KDM2A: variants seen among roughly 807,000 people sequenced by gnomAD.
KDM2A encodes lysine demethylase 2A.
Under a neutral mutation model 137.3 loss-of-function variants are expected in KDM2A, and 3 were observed. The observed-to-expected ratio is 0.02, with a 90% CI of 0.01 to 0.06. The LOEUF is 0.06. KDM2A is among the 10% of genes least tolerant of loss of function. KDM2A has a pLI of 1.00. For missense variants in KDM2A, 738 were observed against 1,510.6 expected, an observed-to-expected ratio of 0.49 and a Z score of 8.48; for synonymous variants, 512 against 541.5, an observed-to-expected ratio of 0.95 and a Z score of 0.76.
chr11:67,158,721 T>G (rs1347274282), intron 2 of KDM2A, among the ~76,000 whole-genome samples: 1 of 152,184 alleles, frequency 6.6e-6, no homozygotes, highest in Non-Finnish European at 1.5e-5. Flanking sequence ...GGTCTTGAAC[T>G]CAAGTGATCC....
intron 5 of KDM2A, among the ~76,000 whole-genome samples, chr11:67,200,334 G>C (rs936340440): frequency 3.9e-5 from 6 of 151,978 alleles, no homozygotes; most frequent in African/African-American, 1.4e-4. Context: ...TCCTGTCTCA[G>C]CCTCCCGAGT....
chr11:67,210,747 G>A (rs1405525332), intron 6 of KDM2A, among the ~76,000 whole-genome samples: 1 of 152,010 alleles, frequency 6.6e-6, no homozygotes, highest in Non-Finnish European at 1.5e-5. Context: ...AAGTAATAAC[G>A]TTTATTTTGT....
At position 67,256,362 on chromosome 11, in the gene KDM2A, AGAAAG is replaced by A. The variant is rs1747101286; in HGVS notation, c.*1308_*1312del. ...AGCTTTTTGCACTTTAAAAAAAAAA[AGAAAG>A]AAAGAAAGGTCGGAATTTCTTTTGG... On this transcript the variant is annotated 3_prime_UTR_variant, in exon 21 of 21. Transcript: ENST00000529006. 1 of 151,980 alleles carries A rather than the reference AGAAAG, an allele frequency of 6.6e-6. No homozygotes were observed. The highest frequency in any genetic ancestry group is 1.9e-4 in the East Asian group (1 of 5,190). 9.4% of individuals were successfully genotyped at this position (151,980 alleles called of 1,614,324 possible).
intron 6 of KDM2A, among the ~76,000 whole-genome samples, chr11:67,211,647 A>G (rs71490510): frequency 2.1e-5 from 3 of 145,992 alleles, no homozygotes; most frequent in Non-Finnish European, 3.0e-5. Context: ...AAAAGAATAT[A>G]TATATAATAG....
chr11:67,235,864 T>C (rs367894222), intron 12 of KDM2A, among the ~76,000 whole-genome samples: 1 of 150,272 alleles, frequency 6.7e-6, no homozygotes, highest in African/African-American at 2.4e-5. Context: ...GCGATCCACC[T>C]GCCTTGGCCT....
Position 67,248,377 on chromosome 11 carries a change from G to A in KDM2A, c.2055+7G>A. 6.3e-7 allele frequency: 1 copy of A among 1,588,106 alleles called. No homozygotes were observed. ...CAGCTCGGAGAAAGCCCAGGTAAAG[G>A]AACCTTATCAGATTTGCACTGTGAC... On this transcript the variant is annotated splice_region_variant and intron_variant, in intron 16 of 20. Coordinates refer to ENST00000529006, the MANE Select transcript of KDM2A (RefSeq NM_012308.3).
intron 1 of KDM2A, among the ~76,000 whole-genome samples, chr11:67,120,397 CG>C (rs1855572627): frequency 6.6e-6 from 1 of 152,186 alleles, no homozygotes; most frequent in African/African-American, 2.4e-5. Context: ...GTGACAAAAA[CG>C]GGGGGAACCT....
At chr11:67,129,374 A>C (rs571287363) in intron 2 of KDM2A, among the ~76,000 whole-genome samples, 1 of 152,296 alleles carries the variant, frequency 6.6e-6, no homozygotes, top group South Asian at 2.1e-4. Context: ...GGAATGCTTG[A>C]CGTCAGGAGT....
At chr11:67,166,259 A>C (rs559244107) in intron 2 of KDM2A, among the ~76,000 whole-genome samples, 12 of 140,504 alleles carry the variant, frequency 8.5e-5, no homozygotes, top group African/African-American at 3.2e-4. Flanking sequence ...ATCTCGGCTC[A>C]CTGTAATCTC....
chr11:67,182,885 T>C (rs1857121986), intron 5 of KDM2A, among the ~76,000 whole-genome samples: 1 of 152,248 alleles, frequency 6.6e-6, no homozygotes, highest in African/African-American at 2.4e-5. Flanking sequence ...AAAGGGACTT[T>C]TTAAATTTTC....
At chr11:67,145,072 A>T (rs903981717) in intron 2 of KDM2A, among the ~76,000 whole-genome samples, 4 of 149,506 alleles carry the variant, frequency 2.7e-5, no homozygotes, top group Non-Finnish European at 4.5e-5. Context: ...GGGTTTCACC[A>T]TGTTGGCCAG....
At chr11:67,129,083 T>TA (rs987035103) in intron 2 of KDM2A, among the ~76,000 whole-genome samples, 9 of 152,104 alleles carry the variant, frequency 5.9e-5, no homozygotes, top group African/African-American at 1.9e-4. Flanking sequence ...ACCCTGTCTC[T>TA]AAAAAAATGA....
At chr11:67,215,633 C>T in intron 7 of KDM2A, 187 bp downstream of exon 7, 1 of 605,750 alleles carries the variant, frequency 1.7e-6, no homozygotes, top group South Asian at 2.1e-5. Flanking sequence ...CACAACCACA[C>T]AGTTAAAGGA....
At chr11:67,146,122 G>T (rs1353128740) in intron 2 of KDM2A, among the ~76,000 whole-genome samples, 1 of 151,018 alleles carries the variant, frequency 6.6e-6, no homozygotes, top group Admixed American at 6.6e-5. Flanking sequence ...CTCCTGAGTA[G>T]CTGGGATTTC....
chr11:67,224,185 A>G (rs1348358276), intron 10 of KDM2A, among the ~76,000 whole-genome samples: 1 of 152,182 alleles, frequency 6.6e-6, no homozygotes, highest in African/African-American at 2.4e-5. Flanking sequence ...ACTACCCGAT[A>G]TAGAGTTTGT....
At chr11:67,122,799 C>T (rs540137521) in intron 2 of KDM2A, among the ~76,000 whole-genome samples, 5 of 151,816 alleles carry the variant, frequency 3.3e-5, no homozygotes, top group African/African-American at 1.2e-4. Flanking sequence ...CCTCAGCCTC[C>T]CGAGTAGCTG....
chr11:67,206,740 AAAAT>A lies in KDM2A; in HGVS notation c.308-762_308-759del, dbSNP rs1486749661. ...CGACAGAGCGAGACTCCGTCTCTAA[AAAAT>A]AAATAAACAAACTTAGGTCTCTTTG... On this transcript the variant is annotated intron_variant, in intron 5 of 20. Coordinates refer to ENST00000529006, the MANE Select transcript of KDM2A (RefSeq NM_012308.3). Among the ~76,000 whole-genome samples, 6 of 152,256 alleles carry A rather than the reference AAAAT, an allele frequency of 3.9e-5. No individual in the cohort carries two copies. In the South Asian group the frequency reaches 6.2e-4, roughly 16 times the overall value.
chr11:67,240,387 C>G (rs1858995016), intron 12 of KDM2A: 1 of 1,531,654 alleles, frequency 6.5e-7, no homozygotes, highest in Admixed American at 2.0e-5. Context: ...GGTCGATCGG[C>G]AAACCCTTTC....
chr11:67,219,465 C>T, intron 10 of KDM2A, 62 bp downstream of exon 10: 1 of 768,156 alleles, frequency 1.3e-6, no homozygotes, highest in African/African-American at 1.8e-5. Context: ...ATAGATGTTA[C>T]AAGAGATTCA....
Sources: allele counts gnomAD v4.1 joint callset (sites outside exome capture counted in the v4.1 genomes callset), GRCh38; gene constraint gnomAD v4.1.1; transcripts MANE v1.5; gene names NCBI Gene and HGNC (gene_info 2026-07-23, HGNC 2026-07-21).